The following PLOD2 variants were observed in gnomAD, a reference collection of about 807,000 sequenced individuals.
PLOD2 encodes lysine hydroxylase 2.
A neutral mutation model predicts 101.0 loss-of-function variants in PLOD2; 65 were observed. The ratio of observed to expected loss-of-function variants is 0.64; its 90% confidence interval spans 0.53 to 0.79. PLOD2 has a LOEUF of 0.79. Among genes scored for constraint, PLOD2 ranks in the 30% least tolerant of loss-of-function variants. The pLI is 0.00. For synonymous variants in PLOD2, 314 were observed against 302.9 expected (o/e 1.04, Z -0.38); for missense variants, 909 against 914.6 (o/e 0.99, Z 0.08).
At position 146,124,140 on chromosome 3, in the gene PLOD2, T is replaced by TC; in HGVS notation, c.198dup (p.Lys67GlufsTer13). ...ATAGGTTAAAGGATATACCATACCT[T>TC]CACAGTATAATTGAAATATTTGGCT... On this transcript the variant is annotated frameshift_variant, in exon 2 of 20. Transcript: ENST00000282903. LOFTEE classifies it high-confidence loss of function. 1 of 1,504,408 alleles carries TC rather than the reference T, an allele frequency of 6.6e-7. No individual in the cohort carries two copies. The highest frequency in any genetic ancestry group is 9.3e-7 in the Non-Finnish European group (1 of 1,081,052). The allele number at this position is 1,504,408 out of a possible 1,614,324, so 93.2% of individuals were successfully genotyped here.
intron 12 of PLOD2, among the ~76,000 whole-genome samples, chr3:146,080,895 A>G: frequency 6.6e-6 from 1 of 152,118 alleles, no homozygotes; most frequent in East Asian, 1.9e-4. Context: ...CACACCAATT[A>G]CTATTTCCAC....
chr3:146,084,645 G>C (rs76714402), intron 11 of PLOD2, among the ~76,000 whole-genome samples: 2,998 of 152,146 alleles, frequency 0.02, 93 homozygotes, highest in African/African-American at 0.068. Context: ...ATCATTGTAA[G>C]CTGATATACA....
At chr3:146,092,188 A>G (rs1936998159) in intron 7 of PLOD2, among the ~76,000 whole-genome samples, 1 of 152,030 alleles carries the variant, frequency 6.6e-6, no homozygotes, top group Admixed American at 6.6e-5. Flanking sequence ...TGATCAAAAA[A>G]GAAAAAGCAA....
chr3:146,086,570 A>T, intron 10 of PLOD2: 1 of 298,956 alleles, frequency 3.3e-6, no homozygotes, highest in Non-Finnish European at 6.1e-6. Context: ...AAATATGTGG[A>T]CTCGTAGCCA....
intron 4 of PLOD2, among the ~76,000 whole-genome samples, chr3:146,109,451 T>A (rs6787625): frequency 0.024 from 3,670 of 152,294 alleles, 142 homozygotes; most frequent in African/African-American, 0.083. Flanking sequence ...AAGCAAAGCC[T>A]AGAACCCAGA....
At chr3:146,139,255 A>G (rs1235365405) in intron 1 of PLOD2, among the ~76,000 whole-genome samples, 2 of 152,210 alleles carry the variant, frequency 1.3e-5, no homozygotes, top group Non-Finnish European at 2.9e-5. Flanking sequence ...GTTATTTCAT[A>G]AGACTAATCT....
chr3:146,097,438 A>G (rs1937237863), intron 7 of PLOD2, among the ~76,000 whole-genome samples: 1 of 119,376 alleles, frequency 8.4e-6, no homozygotes, highest in South Asian at 3.2e-4. Flanking sequence ...GAGACTTTTC[A>G]TTTTGTTCTG....
At chr3:146,132,425 T>C (rs1192083942) in intron 1 of PLOD2, among the ~76,000 whole-genome samples, 2 of 152,132 alleles carry the variant, frequency 1.3e-5, no homozygotes, top group Non-Finnish European at 2.9e-5. Context: ...ACTAACTAGA[T>C]ACCAAATGTA....
intron 1 of PLOD2, among the ~76,000 whole-genome samples, chr3:146,126,486 C>T (rs1369397672): frequency 6.6e-6 from 1 of 152,098 alleles, no homozygotes; most frequent in Admixed American, 6.6e-5. Flanking sequence ...TTTCAGATTT[C>T]ACTACCATTT....
In PLOD2 at chr3:146,126,289, C is replaced by T. The variant is rs116175734; in HGVS notation, c.110-2060G>A. Among the ~76,000 whole-genome samples the T allele has an allele frequency of 2.4e-3, 360 of 152,132 alleles. 1 individual carries two copies. The highest frequency in any genetic ancestry group is 3.9e-3 in the Non-Finnish European group (262 of 67,998). Reference sequence around the variant, plus strand: ...TCTGGTTAGTAATATTACACATGAACAGCTGTTTCCTCTAAGTTGCTATTC... The same window carrying T: ...TCTGGTTAGTAATATTACACATGAATAGCTGTTTCCTCTAAGTTGCTATTC... On this transcript the variant is annotated intron_variant, in intron 1 of 19. Transcript: ENST00000282903.
Position 146,091,869 on chromosome 3 carries a change from G to A in PLOD2, c.810C>T (p.Pro270=). 6.2e-7 allele frequency: 1 copy of A among 1,604,146 alleles called. No homozygotes were observed. The highest frequency in any genetic ancestry group is 1.7e-5 in the Admixed American group (1 of 59,930). ...ILLNYFGNYV[P]NSWTQDNGCT... is the part of the protein sequence containing the mutation. ...AGCCATTATCCTGTGTCCATGAATT[G>A]GGTACATAGTTTCCAAAATAATTCA... is the stretch of plus-strand genomic sequence containing the variant. The change falls in exon 8 of 20, where the codon CCC becomes CCT. Residue 270 remains proline (P), a synonymous_variant. Coordinates refer to ENST00000282903, the MANE Select transcript of PLOD2 (RefSeq NM_182943.3).
Position 146,112,290 on chromosome 3 carries a change from C to T in PLOD2, c.339-1842G>A, listed in dbSNP as rs572278874. 3.7e-4 allele frequency among the ~76,000 whole-genome samples: 56 copies of T among 152,258 alleles called. No homozygotes were observed. In the South Asian group the frequency reaches 4.8e-3, roughly 13 times the overall value. On this transcript the variant is annotated intron_variant, in intron 3 of 19. Transcript: ENST00000282903. ...TAAACTGGAAAAAGAAAATGTGACA[C>T]ATATACAACATGGAATACTATTCAG...
intron 1 of PLOD2, among the ~76,000 whole-genome samples, chr3:146,153,759 A>G (rs2032173081): frequency 6.6e-6 from 1 of 151,968 alleles, no homozygotes; most frequent in Non-Finnish European, 1.5e-5. Context: ...GAGTACTGTC[A>G]AGAACAATAA....
intron 19 of PLOD2, 24 bp from the exon 20 acceptor site, chr3:146,070,896 T>C: frequency 6.3e-7 from 1 of 1,584,310 alleles, no homozygotes; most frequent in Non-Finnish European, 8.6e-7. Context: ...AATGAAGAAA[T>C]ACATCAGATT....
intron 15 of PLOD2, among the ~76,000 whole-genome samples, chr3:146,074,506 G>A (rs938470894): frequency 3.3e-5 from 5 of 151,230 alleles, no homozygotes; most frequent in African/African-American, 1.2e-4. Context: ...GGAAACAAAG[G>A]TATCTTCAAA....
chr3:146,106,617 T>C lies in PLOD2; in HGVS notation c.530A>G (p.Asn177Ser), dbSNP rs139078202. 86 of 1,582,262 alleles carry C rather than the reference T, an allele frequency of 5.4e-5. No homozygotes were observed. The African/African-American group carries it at 9.7e-4, about 18-fold the overall frequency. The change falls in exon 5 of 20, where the codon AAC (asparagine) becomes AGC (serine). Residue 177 changes from asparagine (N) to serine (S), a missense_variant. Asn to Ser is a conservative substitution (Grantham distance 46). Transcript: ENST00000282903. ...GAGATTCCATTGTTGAACTATACGGTTGACATATGGAGCATAGCCAATAAA... is the reference window on the plus strand; with the variant it reads ...GAGATTCCATTGTTGAACTATACGGCTGACATATGGAGCATAGCCAATAAA... ...GGFIGYAPYV[N>S]RIVQQWNLQD...
rs561992291 is a variant in PLOD2 at position 146,070,726 on chromosome 3, T to C, written c.2268A>G (p.Ile756Met). ...ATGAAAAGTAAATAACTTAGGGATC[T>C]ATAAATGACACTGCAATGTATCTTG... ...NGTRYIAVSFIDP is the reference protein window; with the variant it reads ...NGTRYIAVSFMDP Residue 756 changes from isoleucine (I) to methionine (M), a missense_variant, in exon 20 of 20, where the codon ATA becomes ATG. Coordinates refer to ENST00000282903, the MANE Select transcript of PLOD2 (RefSeq NM_182943.3). 16 of 1,602,110 alleles carry C rather than the reference T, an allele frequency of 1.0e-5. No homozygotes were observed. The South Asian group carries it at 1.7e-4, about 17-fold the overall frequency.
At chr3:146,097,180 G>T (rs1409973765) in intron 7 of PLOD2, among the ~76,000 whole-genome samples, 1 of 151,070 alleles carries the variant, frequency 6.6e-6, no homozygotes, top group South Asian at 2.1e-4. Flanking sequence ...GGAGGTGGGG[G>T]GTCAGCCCCC....
intron 3 of PLOD2, among the ~76,000 whole-genome samples, chr3:146,118,439 T>C (rs1258165913): frequency 6.6e-6 from 1 of 151,838 alleles, no homozygotes; most frequent in Non-Finnish European, 1.5e-5. Context: ...TTTCATAATT[T>C]ATAACTTTCT....
Sources: gnomAD v4.1 joint callset for allele counts (sites outside exome capture counted in the v4.1 genomes callset) on GRCh38, gnomAD v4.1.1 for gene constraint, MANE v1.5 for transcripts, NCBI Gene and HGNC (gene_info 2026-07-23, HGNC 2026-07-21) for gene names.